Variants in SORCS1 observed in about 807,000 individuals in gnomAD.
SORCS1 encodes the protein sortilin related VPS10 domain containing receptor 1.
Under a neutral mutation model 146.1 loss-of-function variants are expected in SORCS1, and 60 were observed. That is an observed-to-expected ratio of 0.41 (90% CI 0.33 to 0.51). The LOEUF (loss-of-function observed/expected upper bound fraction) is 0.51. SORCS1 is among the 20% of genes least tolerant of loss of function. SORCS1 has a pLI of 0.21. For missense variants in SORCS1, 1,352 were observed against 1,487.6 expected, an observed-to-expected ratio of 0.91 and a Z score of 1.50; for synonymous variants, 637 against 584.0, an observed-to-expected ratio of 1.09 and a Z score of -1.31.
intron 4 of SORCS1, among the ~76,000 whole-genome samples, chr10:106,762,167 A>C (rs908151725): frequency 6.6e-6 from 1 of 152,198 alleles, no homozygotes; most frequent in Non-Finnish European, 1.5e-5. Flanking sequence ...TGCTGTGGTG[A>C]AACAGCTGGG....
intron 3 of SORCS1, among the ~76,000 whole-genome samples, chr10:106,811,517 A>G (rs557755344): frequency 2.6e-5 from 4 of 152,322 alleles, no homozygotes; most frequent in African/African-American, 9.6e-5. Flanking sequence ...TCTGAGAAAT[A>G]GGCCCCCAGA....
chr10:107,027,350 G>A (rs1958452143), intron 1 of SORCS1, among the ~76,000 whole-genome samples: 1 of 151,794 alleles, frequency 6.6e-6, no homozygotes, highest in African/African-American at 2.4e-5. Flanking sequence ...CCTCACTAAT[G>A]TCCCCATCCG....
intron 2 of SORCS1, among the ~76,000 whole-genome samples, chr10:106,952,540 T>TTC (rs1954733136): frequency 4.7e-5 from 6 of 127,016 alleles, no homozygotes; most frequent in African/African-American, 6.7e-5. Context: ...ATATGACACA[T>TTC]TATATATTAT....
chr10:107,119,485 T>G lies in SORCS1; in HGVS notation c.558+44484A>C, dbSNP rs1323713087. The stretch of plus-strand genomic sequence containing the variant: ...GGATTTGTAATCAGAAATATCTTAC[T>G]GTGGCTGAGGCTTTGAAAATGTTAC... On this transcript the variant is annotated intron_variant, in intron 1 of 25. Coordinates refer to ENST00000263054, the MANE Select transcript of SORCS1 (RefSeq NM_052918.5). 2.0e-5 allele frequency among the ~76,000 whole-genome samples: 3 copies of G among 152,252 alleles called. No individual in the cohort carries two copies. The East Asian group carries it at 5.8e-4, about 29-fold the overall frequency.
At chr10:106,625,036 G>A (rs922883508) in intron 19 of SORCS1, among the ~76,000 whole-genome samples, 2 of 152,324 alleles carry the variant, frequency 1.3e-5, no homozygotes, top group Admixed American at 6.5e-5. Context: ...ATGCACAAAA[G>A]GGACAGTAGG....
At position 107,066,648 on chromosome 10, in the gene SORCS1, C is replaced by T. The variant is rs1198088594; in HGVS notation, c.558+97321G>A. Among the ~76,000 whole-genome samples the T allele has an allele frequency of 3.9e-5, 6 of 152,194 alleles. No individual in the cohort carries two copies. The East Asian group carries it at 1.2e-3, about 29-fold the overall frequency. ...TCTCATCTTAAGATTCAAATGTATA[C>T]TTTGTTGTAGTAATTTAATCATTTC... On this transcript the variant is annotated intron_variant, in intron 1 of 25. Coordinates refer to ENST00000263054, the MANE Select transcript of SORCS1 (RefSeq NM_052918.5).
intron 18 of SORCS1, among the ~76,000 whole-genome samples, chr10:106,648,266 C>T (rs1328277661): frequency 6.6e-6 from 1 of 152,114 alleles, no homozygotes; most frequent in Non-Finnish European, 1.5e-5. Flanking sequence ...TACTGTAATT[C>T]CCCTGTCAGT....
intron 5 of SORCS1, among the ~76,000 whole-genome samples, chr10:106,735,889 T>C (rs1032572487): frequency 2.0e-5 from 3 of 152,156 alleles, no homozygotes; most frequent in African/African-American, 4.8e-5. Context: ...TGAGGCGAAG[T>C]TGCACAGGTC....
At chr10:106,688,645 G>T (rs2135641198) in intron 9 of SORCS1, among the ~76,000 whole-genome samples, 1 of 152,280 alleles carries the variant, frequency 6.6e-6, no homozygotes, top group East Asian at 1.9e-4. Context: ...CATGGTTTCA[G>T]CTCTGTTGCT....
At chr10:107,003,999 C>T (rs1014623704) in intron 1 of SORCS1, among the ~76,000 whole-genome samples, 18 of 151,900 alleles carry the variant, frequency 1.2e-4, no homozygotes, top group Non-Finnish European at 2.6e-4. Context: ...CACGGTGAAA[C>T]CCCGTCTCTA....
At chr10:106,849,561 C>T (rs986968560) in intron 2 of SORCS1, among the ~76,000 whole-genome samples, 4 of 150,980 alleles carry the variant, frequency 2.6e-5, no homozygotes, top group Non-Finnish European at 4.4e-5. Flanking sequence ...GTAATTTGAT[C>T]GTCTGAAGCC....
chr10:106,728,804 G>T (rs111489721), intron 6 of SORCS1, among the ~76,000 whole-genome samples: 2,665 of 152,208 alleles, frequency 0.018, 86 homozygotes, highest in African/African-American at 0.061. Context: ...AAACTGGGAA[G>T]GTCTTGGAAA....
chr10:106,644,323 A>G (rs1243318753), intron 18 of SORCS1, among the ~76,000 whole-genome samples: 2 of 152,032 alleles, frequency 1.3e-5, no homozygotes, highest in East Asian at 3.9e-4. Context: ...CCGCCTCCAA[A>G]GTTAACAATA....
At chr10:107,168,689 T>A (rs956632306), upstream of SORCS1, among the ~76,000 whole-genome samples, 24 of 112,272 alleles carry the variant, frequency 2.1e-4, no homozygotes, top group African/African-American at 6.0e-4. Flanking sequence ...TTTTTTTTTT[T>A]ACAAAGCTTA....
chr10:106,968,964 T>A (rs1955639153), intron 1 of SORCS1, among the ~76,000 whole-genome samples: 4 of 152,224 alleles, frequency 2.6e-5, no homozygotes, highest in Admixed American at 2.0e-4. Context: ...TATTAGCAGA[T>A]CTTTTGTTTG....
intron 2 of SORCS1, among the ~76,000 whole-genome samples, chr10:106,940,416 A>G (rs1953978240): frequency 6.6e-6 from 1 of 152,242 alleles, no homozygotes; most frequent in Non-Finnish European, 1.5e-5. Context: ...ACAAAAATGA[A>G]GAAGGTAGCA....
chr10:107,111,522 G>A, intron 1 of SORCS1, among the ~76,000 whole-genome samples: 1 of 151,986 alleles, frequency 6.6e-6, no homozygotes, highest in East Asian at 1.9e-4. Flanking sequence ...CCAAGTCCAG[G>A]ACCAAAAAGA....
At chr10:106,989,502 C>T (rs905276992) in intron 1 of SORCS1, among the ~76,000 whole-genome samples, 1 of 151,796 alleles carries the variant, frequency 6.6e-6, no homozygotes, top group African/African-American at 2.4e-5. Flanking sequence ...AAGGTCCACT[C>T]ACAATGTAGT....
rs149911554 is a variant in SORCS1 at position 106,606,746 on chromosome 10, G to A, written c.3165+420C>T. On this transcript the variant is annotated intron_variant, in intron 23 of 25. Coordinates refer to ENST00000263054, the MANE Select transcript of SORCS1 (RefSeq NM_052918.5). ...TTGCCATGGGAAGGACCCAGTGGGA[G>A]GTAACTGAATCATGGGGGCAGTTAC... Among the ~76,000 whole-genome samples the A allele has an allele frequency of 6.6e-3, 998 of 152,250 alleles. 7 individuals carry two copies. Among genetic ancestry groups the A allele is most frequent in the African/African-American group, 0.023 (947 of 41,524 alleles).
Sources: allele counts gnomAD v4.1 joint callset (sites outside exome capture counted in the v4.1 genomes callset), GRCh38; gene constraint gnomAD v4.1.1; transcripts MANE v1.5; gene names NCBI Gene and HGNC (gene_info 2026-07-23, HGNC 2026-07-21).